Variants in PDE8A observed in about 807,000 individuals in gnomAD.
The protein encoded by PDE8A is phosphodiesterase 8A, also known as high affinity cAMP-specific and IBMX-insensitive 3',5'-cyclic phosphodiesterase 8A.
In PDE8A, 59 loss-of-function variants were observed where a neutral mutation model predicts 105.0. The observed-to-expected ratio is 0.56, with a 90% CI of 0.46 to 0.70. The LOEUF (loss-of-function observed/expected upper bound fraction) is 0.70, where lower values mean the gene tolerates loss of function less well. Ranked by LOEUF, PDE8A falls within the 30% of genes least tolerant of loss-of-function variation. PDE8A has a pLI of 0.00. For missense variants in PDE8A, 1,014 were observed against 1,045.9 expected (o/e 0.97, Z 0.42); for synonymous variants, 355 against 371.9 (o/e 0.95, Z 0.52).
intron 11 of PDE8A, among the ~76,000 whole-genome samples, chr15:85,101,111 A>G (rs1043572717): frequency 1.1e-4 from 16 of 152,230 alleles, no homozygotes; most frequent in African/African-American, 3.9e-4. Flanking sequence ...AATTCTCTTT[A>G]CAGGTAAGGA....
intron 8 of PDE8A, among the ~76,000 whole-genome samples, chr15:85,096,855 A>G (rs187478199): frequency 1.3e-5 from 2 of 152,262 alleles, no homozygotes; most frequent in Non-Finnish European, 2.9e-5. Context: ...ATCAGTAATC[A>G]TCCTTTGATT....
intron 1 of PDE8A, among the ~76,000 whole-genome samples, chr15:85,011,225 A>T (rs1022664080): frequency 6.6e-6 from 1 of 152,226 alleles, no homozygotes; most frequent in Non-Finnish European, 1.5e-5. Context: ...GCCAAAAGCA[A>T]TGTTCAGATT....
At chr15:85,104,185 A>G (rs1214863425) in intron 11 of PDE8A, among the ~76,000 whole-genome samples, 2 of 152,234 alleles carry the variant, frequency 1.3e-5, no homozygotes, top group African/African-American at 4.8e-5. Context: ...AGAAATGAAC[A>G]TGAGTTTCGC....
chr15:85,115,373 T>G, intron 14 of PDE8A, 66 bp from the exon 15 acceptor site: 1 of 1,059,974 alleles, frequency 9.4e-7, no homozygotes, highest in Non-Finnish European at 1.4e-6. Context: ...GAGGACCACC[T>G]GGAGTTTCCA....
intron 16 of PDE8A, among the ~76,000 whole-genome samples, chr15:85,116,660 A>C (rs894007231): frequency 7.2e-5 from 11 of 152,206 alleles, no homozygotes; most frequent in African/African-American, 2.7e-4. Context: ...GGCTGGGCAC[A>C]CAAGAAAGGG....
At chr15:85,058,904 C>T (rs1401211498) in intron 1 of PDE8A, among the ~76,000 whole-genome samples, 2 of 152,020 alleles carry the variant, frequency 1.3e-5, no homozygotes, top group Non-Finnish European at 2.9e-5. Context: ...TTAATCTTTG[C>T]TCTAATCGTT....
At chr15:84,991,096 C>G (rs980614780) in intron 1 of PDE8A, among the ~76,000 whole-genome samples, 2 of 152,048 alleles carry the variant, frequency 1.3e-5, no homozygotes, top group Admixed American at 1.3e-4. Context: ...ATTATGACCT[C>G]TGGGTAGGGA....
At chr15:85,071,784 C>G (rs551304915) in intron 3 of PDE8A, among the ~76,000 whole-genome samples, 1 of 152,136 alleles carries the variant, frequency 6.6e-6, no homozygotes, top group Non-Finnish European at 1.5e-5. Context: ...GAATTGCATT[C>G]AGGGGTGTGT....
chr15:85,059,193 T>C (rs1237063034), intron 1 of PDE8A, among the ~76,000 whole-genome samples: 1 of 152,262 alleles, frequency 6.6e-6, no homozygotes, highest in East Asian at 1.9e-4. Context: ...TTTCCAGTTT[T>C]ACTTTTGTTA....
chr15:85,135,317 C>G (rs1053662846), intron 20 of PDE8A, among the ~76,000 whole-genome samples: 1 of 152,216 alleles, frequency 6.6e-6, no homozygotes, highest in East Asian at 1.9e-4. Flanking sequence ...ACTCAGCTAC[C>G]CTTCTCCCTT....
chr15:85,125,576 T>C (rs2082246375), intron 19 of PDE8A, among the ~76,000 whole-genome samples: 4 of 152,130 alleles, frequency 2.6e-5, no homozygotes, highest in Admixed American at 2.0e-4. Flanking sequence ...CCTCCCTGAG[T>C]CTCAGTGTCC....
chr15:85,047,464 G>A (rs1312731713), intron 1 of PDE8A, among the ~76,000 whole-genome samples: 1 of 152,144 alleles, frequency 6.6e-6, no homozygotes. Context: ...CCTGAGAGCC[G>A]GATATACCCC....
In PDE8A at chr15:84,982,043, CGCCGCCGCCCGCCCAGGCG is replaced by C; in HGVS notation, c.-117_-99del. ...CGTTTCCTGACGCGAGATCCGCGCT[CGCCGCCGCCCGCCCAGGCG>C]GCGATGACACGGCGCCCGCGGCGGC... On this transcript the variant is annotated 5_prime_UTR_variant, in exon 1 of 22. Transcript: ENST00000394553. 2.1e-6 allele frequency: 1 copy of C among 482,068 alleles called. No homozygotes were observed. The highest frequency in any genetic ancestry group is 3.1e-6 in the Non-Finnish European group (1 of 322,322). The allele number at this position is 482,068 out of a possible 1,614,324, so 29.9% of individuals were successfully genotyped here. A position where few individuals can be genotyped will look rare whatever the true frequency, so the allele number is the denominator to read the frequency against.
intron 3 of PDE8A, among the ~76,000 whole-genome samples, chr15:85,071,283 T>A (rs1246595759): frequency 6.6e-6 from 1 of 152,224 alleles, no homozygotes; most frequent in Non-Finnish European, 1.5e-5. Flanking sequence ...GGAGTTGCTC[T>A]AACCAGAGAA....
chr15:85,006,632 T>A (rs2080152430), intron 1 of PDE8A, among the ~76,000 whole-genome samples: 1 of 152,184 alleles, frequency 6.6e-6, no homozygotes, highest in Non-Finnish European at 1.5e-5. Flanking sequence ...AGAAATAGAG[T>A]TTTTCTTCTT....
At chr15:85,031,332 C>T (rs1365716673) in intron 1 of PDE8A, among the ~76,000 whole-genome samples, 2 of 152,152 alleles carry the variant, frequency 1.3e-5, no homozygotes, top group Non-Finnish European at 2.9e-5. Flanking sequence ...TTCTATAACA[C>T]CATCTTACCA....
chr15:85,056,817 T>C (rs1245519980), intron 1 of PDE8A, among the ~76,000 whole-genome samples: 1 of 152,354 alleles, frequency 6.6e-6, no homozygotes, highest in East Asian at 1.9e-4. Flanking sequence ...TTCTCTCAAC[T>C]CGTCAAAGTC....
At chr15:85,030,073 G>A (rs1249325484) in intron 1 of PDE8A, among the ~76,000 whole-genome samples, 1 of 152,144 alleles carries the variant, frequency 6.6e-6, no homozygotes, top group Admixed American at 6.5e-5. Context: ...TGACCAACAG[G>A]TGCTGTTAGA....
chr15:85,120,704 A>T (rs2082167263), intron 17 of PDE8A, 93 bp from the exon 18 acceptor site: 8 of 745,636 alleles, frequency 1.1e-5, no homozygotes, highest in Middle Eastern at 3.6e-4. Context: ...AAATATTCTT[A>T]CCTGAAAGTA....
Sources: gnomAD v4.1 joint callset for allele counts (sites outside exome capture counted in the v4.1 genomes callset) on GRCh38, gnomAD v4.1.1 for gene constraint, MANE v1.5 for transcripts, NCBI Gene and HGNC (gene_info 2026-07-23, HGNC 2026-07-21) for gene names.